The following GRIA1 variants were observed in gnomAD, a reference collection of about 807,000 sequenced individuals.
GRIA1 encodes the protein glutamate receptor 1.
A neutral mutation model predicts 99.2 loss-of-function variants in GRIA1; 31 were observed. The observed-to-expected ratio is 0.31, with a 90% CI of 0.23 to 0.42. The LOEUF is 0.42. GRIA1 is among the 10% of genes least tolerant of loss of function. GRIA1 has a pLI of 1.00. For synonymous variants in GRIA1, 438 were observed against 432.4 expected, an observed-to-expected ratio of 1.01 and a Z score of -0.16; for missense variants, 782 against 1,157.5, an observed-to-expected ratio of 0.68 and a Z score of 4.71.
intron 11 of GRIA1, among the ~76,000 whole-genome samples, chr5:153,713,344 A>G (rs1447592404): frequency 1.3e-5 from 2 of 152,188 alleles, no homozygotes; most frequent in Admixed American, 1.3e-4. Context: ...ACACAAAGGG[A>G]CTGGCCCAGG....
chr5:153,528,536 G>A (rs1000535452), intron 2 of GRIA1, among the ~76,000 whole-genome samples: 1 of 152,194 alleles, frequency 6.6e-6, no homozygotes, highest in Admixed American at 6.5e-5. Context: ...GATTTGGGAG[G>A]TCTGGTGTGA....
chr5:153,700,590 A>T (rs1290371235), intron 10 of GRIA1, among the ~76,000 whole-genome samples: 1 of 152,090 alleles, frequency 6.6e-6, no homozygotes, highest in African/African-American at 2.4e-5. Context: ...TTCAGTGGGC[A>T]TTGGGAGATC....
chr5:153,624,268 T>C (rs1767362557), intron 2 of GRIA1, among the ~76,000 whole-genome samples: 1 of 152,198 alleles, frequency 6.6e-6, no homozygotes, highest in African/African-American at 2.4e-5. Flanking sequence ...AGGAAGAATG[T>C]TGTGAATGAT....
At chr5:153,650,914 A>AAAT (rs1561729974) in intron 4 of GRIA1, among the ~76,000 whole-genome samples, 3 of 149,098 alleles carry the variant, frequency 2.0e-5, no homozygotes, top group African/African-American at 7.4e-5. Flanking sequence ...AAAAAAAAAA[A>AAAT]AAAAAAATTA....
At chr5:153,537,770 T>C (rs1449666412) in intron 2 of GRIA1, among the ~76,000 whole-genome samples, 1 of 152,208 alleles carries the variant, frequency 6.6e-6, no homozygotes, top group Non-Finnish European at 1.5e-5. Context: ...GCTGCTGCTA[T>C]GAAGCAACCA....
chr5:153,674,211 A>G (rs1044839678), intron 5 of GRIA1, among the ~76,000 whole-genome samples: 2 of 152,248 alleles, frequency 1.3e-5, no homozygotes, highest in African/African-American at 2.4e-5. Context: ...CCAGACCTCC[A>G]TTATTCAGAC....
At position 153,748,069 on chromosome 5, in the gene GRIA1, G is replaced by A. The variant is rs534284168; in HGVS notation, c.1824-16365G>A. 1.1e-4 allele frequency among the ~76,000 whole-genome samples: 16 copies of A among 152,268 alleles called. No individual in the cohort carries two copies. The South Asian group carries it at 2.9e-3, about 28-fold the overall frequency. On this transcript the variant is annotated intron_variant, in intron 11 of 15. Transcript: ENST00000285900. ...TGACATTGATAAGACCCCCGCCCTC[G>A]CTGAAGTTACACATTAGTGGAGGGA...
intron 2 of GRIA1, among the ~76,000 whole-genome samples, chr5:153,604,351 G>T (rs926116487): frequency 1.3e-5 from 2 of 152,126 alleles, no homozygotes; most frequent in African/African-American, 4.8e-5. Flanking sequence ...TGAAATATGT[G>T]TGGCCCAAAC....
chr5:153,710,469 T>A (rs897090202), intron 11 of GRIA1, among the ~76,000 whole-genome samples: 1 of 152,162 alleles, frequency 6.6e-6, no homozygotes, highest in Non-Finnish European at 1.5e-5. Flanking sequence ...GTGATCTGCC[T>A]ACCTTGGCCT....
rs1315425079 is a variant in GRIA1, at chr5:153,545,408, T to TG, written c.220+51349dup. ...TTATAGGCTGGATGTCTTCAGGGAC[T>TG]GGGGGGAAGTTTGGGTATCTTTAAG... On this transcript the variant is annotated intron_variant, in intron 2 of 15. Coordinates refer to ENST00000285900, the MANE Select transcript of GRIA1 (RefSeq NM_000827.4). 2.0e-5 allele frequency among the ~76,000 whole-genome samples: 3 copies of TG among 152,086 alleles called. No homozygotes were observed. The South Asian group carries it at 6.2e-4, about 32-fold the overall frequency.
At chr5:153,722,347 T>G (rs1217639883) in intron 11 of GRIA1, among the ~76,000 whole-genome samples, 2 of 152,224 alleles carry the variant, frequency 1.3e-5, no homozygotes, top group Non-Finnish European at 2.9e-5. Flanking sequence ...CAAGATTTTT[T>G]CTTTATGCCT....
chr5:153,810,981 C>G (rs752681398), intron 15 of GRIA1, 44 bp from the exon 16 acceptor site: 8 of 1,428,730 alleles, frequency 5.6e-6, no homozygotes, highest in Non-Finnish European at 7.9e-6. Flanking sequence ...CATTGCCTGT[C>G]ATTGCCAAGG....
chr5:153,599,863 A>G (rs1277669485), intron 2 of GRIA1, among the ~76,000 whole-genome samples: 1 of 152,146 alleles, frequency 6.6e-6, no homozygotes, highest in Non-Finnish European at 1.5e-5. Context: ...TTTGAAGTAA[A>G]TGAAGGGAGG....
intron 11 of GRIA1, among the ~76,000 whole-genome samples, chr5:153,724,430 C>T (rs1561802454): frequency 6.6e-6 from 1 of 152,160 alleles, no homozygotes; most frequent in Non-Finnish European, 1.5e-5. Flanking sequence ...AGGAAGGCTT[C>T]AGACGATCAA....
intron 11 of GRIA1, among the ~76,000 whole-genome samples, chr5:153,749,016 G>A (rs1762336249): frequency 6.6e-6 from 1 of 152,172 alleles, no homozygotes; most frequent in South Asian, 2.1e-4. Context: ...GGGATAAGAA[G>A]AGGGCTGAGG....
chr5:153,538,516 T>G (rs914142783), intron 2 of GRIA1, among the ~76,000 whole-genome samples: 8 of 152,134 alleles, frequency 5.3e-5, no homozygotes, highest in Non-Finnish European at 1.0e-4. Context: ...ACCCAAGGTC[T>G]GGCTATGCCT....
intron 1 of GRIA1, chr5:153,492,399 C>T: frequency 2.6e-6 from 3 of 1,164,288 alleles, no homozygotes; most frequent in Non-Finnish European, 3.4e-6. Flanking sequence ...TAGCCTTCTA[C>T]TCCTCAACCT....
intron 12 of GRIA1, among the ~76,000 whole-genome samples, chr5:153,765,807 T>A (rs1763478871): frequency 6.6e-6 from 1 of 152,266 alleles, no homozygotes; most frequent in Non-Finnish European, 1.5e-5. Context: ...CATTTAATCC[T>A]CTCATTAAAG....
rs1261035495 is a variant in GRIA1, at chr5:153,813,640, A to T, written c.*2415A>T. On this transcript the variant is annotated 3_prime_UTR_variant, in exon 16 of 16. Coordinates refer to ENST00000285900, the MANE Select transcript of GRIA1 (RefSeq NM_000827.4). Reference sequence around the variant, plus strand: ...GACATTTTTCTCAACAGGAATCCATACTTAACAGTTCTGGCTTTCATTAAA... The same window carrying T: ...GACATTTTTCTCAACAGGAATCCATTCTTAACAGTTCTGGCTTTCATTAAA... 6.6e-6 allele frequency: 1 copy of T among 152,218 alleles called. No homozygotes were observed. Among genetic ancestry groups the T allele is most frequent in the African/African-American group, 2.4e-5 (1 of 41,452 alleles). The allele number at this position is 152,218 out of a possible 1,614,324, so 9.4% of individuals were successfully genotyped here. A position where few individuals can be genotyped will look rare whatever the true frequency, so the allele number is the denominator to read the frequency against.
Sources: gnomAD v4.1 joint callset for allele counts (sites outside exome capture counted in the v4.1 genomes callset) on GRCh38, gnomAD v4.1.1 for gene constraint, MANE v1.5 for transcripts, NCBI Gene and HGNC (gene_info 2026-07-23, HGNC 2026-07-21) for gene names.